CFAP210: variants seen among roughly 807,000 people sequenced by gnomAD.
CFAP210 encodes cilia and flagella associated protein 210.
At chr2:169,662,497 A>G in the CFAP210 span, 1 of 1,385,474 alleles carries the variant, frequency 7.2e-7, no homozygotes. Context: ...TATTTTTAAG[A>G]AATGAATTCA....
the CFAP210 span, chr2:169,654,241 CTT>C: frequency 1.2e-5 from 19 of 1,527,784 alleles, no homozygotes; most frequent in Non-Finnish European, 1.6e-5. Context: ...TATATATTAA[CTT>C]ATCACAAAGA....
chr2:169,660,936 T>C, the CFAP210 span: 64,665 of 459,938 alleles, frequency 0.14, 5,168 homozygotes, highest in South Asian at 0.23. Context: ...TACAACTCAA[T>C]GTTCTTCTAT....
At chr2:169,681,639 T>C in the CFAP210 span, among the ~76,000 whole-genome samples, 19 of 152,348 alleles carry the variant, frequency 1.2e-4, no homozygotes, top group East Asian at 3.1e-3. Context: ...GTAGGCACTA[T>C]GACTGACTCT....
chr2:169,667,142 CTTT>C, the CFAP210 span, among the ~76,000 whole-genome samples: 6 of 58,038 alleles, frequency 1.0e-4, no homozygotes, highest in Non-Finnish European at 1.7e-4. Flanking sequence ...TTTCTTTTTT[CTTT>C]TTTTTTTTTT....
chr2:169,681,130 C>A, the CFAP210 span: 2 of 1,613,764 alleles, frequency 1.2e-6, no homozygotes, highest in African/African-American at 2.7e-5. Flanking sequence ...TATCTTGAAT[C>A]CTTTTCCACT....
the CFAP210 span, chr2:169,675,036 A>G: frequency 8.7e-6 from 13 of 1,496,326 alleles, no homozygotes; most frequent in African/African-American, 1.6e-4. Context: ...CTGTTCTTTC[A>G]TCCCCTGTAA....
chr2:169,653,694 T>C, the CFAP210 span, among the ~76,000 whole-genome samples: 5 of 152,224 alleles, frequency 3.3e-5, no homozygotes, highest in African/African-American at 1.2e-4. Context: ...CTCCAATCTC[T>C]GGAAACTATT....
At chr2:169,673,427 C>G in the CFAP210 span, among the ~76,000 whole-genome samples, 1 of 152,214 alleles carries the variant, frequency 6.6e-6, no homozygotes, top group African/African-American at 2.4e-5. Flanking sequence ...TTGCACAAAC[C>G]TTTAGATCTC....
At chr2:169,654,112 T>C in the CFAP210 span, 1 of 1,610,030 alleles carries the variant, frequency 6.2e-7, no homozygotes, top group Non-Finnish European at 8.5e-7. Flanking sequence ...CCCATTTGTA[T>C]AAGACGCTTT....
At chr2:169,688,122 TG>T in the CFAP210 span, among the ~76,000 whole-genome samples, 1 of 152,226 alleles carries the variant, frequency 6.6e-6, no homozygotes. Flanking sequence ...ACCCTGGTCC[TG>T]GCCCATAAAA....
the CFAP210 span, among the ~76,000 whole-genome samples, chr2:169,666,720 G>T: frequency 6.6e-6 from 1 of 151,996 alleles, no homozygotes; most frequent in Non-Finnish European, 1.5e-5. Context: ...TAATGCTGTT[G>T]GATGGCATTT....
chr2:169,651,044 T>C, the CFAP210 span, among the ~76,000 whole-genome samples: 1 of 151,304 alleles, frequency 6.6e-6, no homozygotes, highest in Non-Finnish European at 1.5e-5. Context: ...CTGACCAACA[T>C]GGTGAAACCC....
chr2:169,687,835 C>G, the CFAP210 span, among the ~76,000 whole-genome samples: 2 of 152,242 alleles, frequency 1.3e-5, no homozygotes, highest in Non-Finnish European at 1.5e-5. Context: ...CTGCATTGCC[C>G]TAGCAGAGGT....
At chr2:169,669,793 A>AG in the CFAP210 span, among the ~76,000 whole-genome samples, 11 of 144,902 alleles carry the variant, frequency 7.6e-5, no homozygotes, top group African/African-American at 2.8e-4. Context: ...AAAAAAAAAA[A>AG]TGCCGCTGGA....
the CFAP210 span, among the ~76,000 whole-genome samples, chr2:169,655,072 G>T: frequency 3.3e-5 from 5 of 152,192 alleles, no homozygotes; most frequent in Non-Finnish European, 7.3e-5. Context: ...TATGTTCTAT[G>T]ATCTCAGCCT....
chr2:169,673,263 T>C, the CFAP210 span, among the ~76,000 whole-genome samples: 267 of 152,322 alleles, frequency 1.8e-3, no homozygotes, highest in African/African-American at 6.0e-3. Flanking sequence ...TATAGGAGGA[T>C]AGACAGCCTG....
the CFAP210 span, among the ~76,000 whole-genome samples, chr2:169,684,826 T>C: frequency 6.6e-6 from 1 of 152,212 alleles, no homozygotes; most frequent in African/African-American, 2.4e-5. Flanking sequence ...CTAATTTTTT[T>C]TGTATTTTTA....
the CFAP210 span, among the ~76,000 whole-genome samples, chr2:169,652,442 C>T: frequency 6.6e-6 from 1 of 152,004 alleles, no homozygotes; most frequent in Admixed American, 6.5e-5. Context: ...TAACAGTGAA[C>T]AAAAACATTA....
At chr2:169,663,833 A>C in the CFAP210 span, among the ~76,000 whole-genome samples, 3 of 151,962 alleles carry the variant, frequency 2.0e-5, no homozygotes, top group Non-Finnish European at 4.4e-5. Flanking sequence ...TTTTGTTAGA[A>C]TTATTTAATA....
Sources: allele counts gnomAD v4.1 joint callset (sites outside exome capture counted in the v4.1 genomes callset), GRCh38; gene constraint gnomAD v4.1.1; transcripts MANE v1.5; gene names NCBI Gene and HGNC (gene_info 2026-07-23, HGNC 2026-07-21).